Variants in RCAN3 observed in about 807,000 individuals in gnomAD.
RCAN3 encodes regulator of calcineurin 3.
In RCAN3, 19 loss-of-function variants were observed where a neutral mutation model predicts 21.9. That is an observed-to-expected ratio of 0.87 (90% CI 0.61 to 1.27). RCAN3 has a LOEUF of 1.27. RCAN3 is among the 50% of genes most tolerant of loss of function. RCAN3 has a pLI of 0.00. For missense variants in RCAN3, 240 were observed against 300.1 expected (o/e 0.80, Z 1.48); for synonymous variants, 114 against 112.3 (o/e 1.01, Z -0.09).
At chr1:24,504,530 C>T (rs916963109) in intron 1 of RCAN3, among the ~76,000 whole-genome samples, 7 of 152,146 alleles carry the variant, frequency 4.6e-5, no homozygotes, top group African/African-American at 1.7e-4. Flanking sequence ...AAGATTTTTC[C>T]TGCTGTTGAA....
In RCAN3 at chr1:24,514,377, T is replaced by A. The variant is rs1287207249; in HGVS notation, c.5T>A (p.Leu2Gln). 5.0e-6 allele frequency: 8 copies of A among 1,612,720 alleles called. No homozygotes were observed. Among genetic ancestry groups the A allele is most frequent in the Non-Finnish European group, 6.8e-6 (8 of 1,179,276 alleles). Residue 2 changes from leucine (L) to glutamine (Q), a missense_variant, in exon 2 of 5, where the codon CTG becomes CAG. By Grantham distance (113) the Leu-to-Gln change is moderately radical. Transcript: ENST00000374395. M[L>Q]RDTMKSWNDS... is the part of the protein sequence containing the mutation. The stretch of plus-strand genomic sequence containing the variant: ...AAAGGCCCACTTTGGGGGATAATGC[T>A]GAGGGACACTATGAAATCTTGGAAT...
At chr1:24,527,180 T>TAA (rs1046803590) in intron 2 of RCAN3, among the ~76,000 whole-genome samples, 38 of 152,148 alleles carry the variant, frequency 2.5e-4, no homozygotes, top group African/African-American at 8.2e-4. Context: ...TACAGGTGTG[T>TAA]AATTTTGCAT....
At chr1:24,513,318 G>T (rs1232488736) in intron 1 of RCAN3, among the ~76,000 whole-genome samples, 1 of 152,028 alleles carries the variant, frequency 6.6e-6, no homozygotes, top group Non-Finnish European at 1.5e-5. Context: ...TTGTCAGGCT[G>T]GTCTTGAACG....
intron 1 of RCAN3, among the ~76,000 whole-genome samples, chr1:24,513,390 A>T (rs1481253116): frequency 6.6e-6 from 1 of 151,876 alleles, no homozygotes; most frequent in Non-Finnish European, 1.5e-5. Flanking sequence ...GATTGGCCAG[A>T]TGTGGTGGCT....
intron 2 of RCAN3, among the ~76,000 whole-genome samples, chr1:24,529,530 G>A (rs1649570989): frequency 6.9e-6 from 1 of 145,644 alleles, no homozygotes; most frequent in African/African-American, 2.5e-5. Flanking sequence ...CAGCCTGGGT[G>A]ACAGAGAGAC....
chr1:24,515,972 G>A (rs939164066), intron 2 of RCAN3, among the ~76,000 whole-genome samples: 6 of 152,024 alleles, frequency 3.9e-5, no homozygotes, highest in South Asian at 2.1e-4. Context: ...GTGAAACCCC[G>A]TTTCTACTAA....
Position 24,535,196 on chromosome 1 carries a change from A to G in RCAN3, c.645A>G (p.Lys215=), listed in dbSNP as rs758901474. ...TEEEEETKNP[K]QKIAQTRRPD... is the part of the protein sequence containing the mutation. ...AGGAAGAAGAGACAAAAAACCCCAA[A>G]CAGAAAATTGCCCAGACGAGGCGCC... Residue 215 remains lysine, a synonymous_variant, in exon 5 of 5, where the codon AAA becomes AAG. Transcript: ENST00000374395. 3 of 1,594,954 alleles carry G rather than the reference A, an allele frequency of 1.9e-6. No individual in the cohort carries two copies. The highest frequency in any genetic ancestry group is 2.6e-6 in the Non-Finnish European group (3 of 1,173,086).
chr1:24,521,666 G>T (rs1183803189), intron 2 of RCAN3, among the ~76,000 whole-genome samples: 1 of 152,110 alleles, frequency 6.6e-6, no homozygotes, highest in East Asian at 1.9e-4. Flanking sequence ...TGGCAAACAT[G>T]ATGAAACCCC....
At chr1:24,521,258 G>T (rs1327029217) in intron 2 of RCAN3, among the ~76,000 whole-genome samples, 1 of 152,154 alleles carries the variant, frequency 6.6e-6, no homozygotes. Context: ...AAATCCACAT[G>T]CAGAAGAATG....
Position 24,513,476 on chromosome 1 carries a change from G to A in RCAN3, c.-59-838G>A, listed in dbSNP as rs1475060034. Among the ~76,000 whole-genome samples the A allele has an allele frequency of 2.0e-5, 3 of 151,980 alleles. 1 individual carries two copies. The highest frequency in any genetic ancestry group is 4.4e-5 in the Non-Finnish European group (3 of 67,994). ...AGGTTAGGAGTTGGAGACCAGCCTGGCCAACATGGTGAAATCCCATCTCTA... is the reference window on the plus strand; with the variant it reads ...AGGTTAGGAGTTGGAGACCAGCCTGACCAACATGGTGAAATCCCATCTCTA... On this transcript the variant is annotated intron_variant, in intron 1 of 4. Transcript: ENST00000374395.
chr1:24,533,157 C>T lies in RCAN3; in HGVS notation c.444C>T (p.Ser148=). ...PPQPVKQFLI[S]PPASPPVGWK... ...AGCCTGTCAAGCAGTTCCTCATCTC[C>T]CCTCCAGCCTCTCCCCCGGTGGGGT... The change falls in exon 4 of 5, where the codon TCC becomes TCT. Residue 148 remains serine, a synonymous_variant. Transcript: ENST00000374395. The T allele has an allele frequency of 6.2e-7, 1 of 1,603,898 alleles. No individual in the cohort carries two copies. The highest frequency in any genetic ancestry group is 8.5e-7 in the Non-Finnish European group (1 of 1,176,770).
At chr1:24,524,238 G>C (rs533355865) in intron 2 of RCAN3, among the ~76,000 whole-genome samples, 2 of 152,012 alleles carry the variant, frequency 1.3e-5, no homozygotes, top group African/African-American at 4.8e-5. Context: ...AAAATAAGGA[G>C]TTCCAATAAG....
chr1:24,519,915 T>C (rs1009264017), intron 2 of RCAN3, among the ~76,000 whole-genome samples: 2 of 152,234 alleles, frequency 1.3e-5, no homozygotes, highest in African/African-American at 4.8e-5. Context: ...TGTATAATCA[T>C]ATGCACAATT....
rs187899771 is a variant in RCAN3 at position 24,506,470 on chromosome 1, T to C, written c.-60+3320T>C. ...TTTCCTGTTTTTGATAATTATCCTA[T>C]GGGTTATATAAGAAAATGATCTTGT... On this transcript the variant is annotated intron_variant, in intron 1 of 4. Transcript: ENST00000374395. 1.3e-4 allele frequency among the ~76,000 whole-genome samples: 20 copies of C among 152,294 alleles called. No homozygotes were observed. In the East Asian group the frequency reaches 3.7e-3, roughly 28 times the overall value.
chr1:24,517,084 G>GTTTTTTTTTTGT (rs11372088), intron 2 of RCAN3, among the ~76,000 whole-genome samples: 6 of 146,864 alleles, frequency 4.1e-5, no homozygotes, highest in African/African-American at 1.5e-4. Context: ...CTATTTTTTT[G>GTTTTTTTTTTGT]TTTTTTTTTG....
rs1253082574 is a variant in RCAN3 at position 24,540,692 on chromosome 1, CAA to C, written c.*5417_*5418del. The C allele has an allele frequency of 1.3e-5, 2 of 152,218 alleles. No individual in the cohort carries two copies. Among genetic ancestry groups the C allele is most frequent in the Admixed American group, 1.3e-4 (2 of 15,304 alleles). 9.4% of individuals were successfully genotyped at this position (152,218 alleles called of 1,614,324 possible). On this transcript the variant is annotated 3_prime_UTR_variant, in exon 5 of 5. Coordinates refer to ENST00000374395, the MANE Select transcript of RCAN3 (RefSeq NM_013441.4). ...TTCAATCTTAATTGAACCCAAGAGT[CAA>C]AGTTATTATTTTCTCCGAACGTGTT...
intron 2 of RCAN3, among the ~76,000 whole-genome samples, chr1:24,521,811 G>A (rs1648838008): frequency 6.6e-6 from 1 of 151,462 alleles, no homozygotes; most frequent in African/African-American, 2.4e-5. Context: ...TCGTGCCATT[G>A]TACTCCAGCC....
chr1:24,514,254 T>A (rs1648114383), intron 1 of RCAN3, 60 bp from the exon 2 acceptor site: 3 of 782,704 alleles, frequency 3.8e-6, no homozygotes, highest in Non-Finnish European at 5.8e-6. Context: ...AGACATTGAT[T>A]GATTGGAACA....
rs766001734 is a variant in RCAN3, at chr1:24,533,206, C to A, written c.493C>A (p.Pro165Thr). ...VGWKQSEDAMPVINYDLLCAV... is the reference protein window; with the variant it reads ...VGWKQSEDAMTVINYDLLCAV... Reference sequence around the variant, plus strand: ...GTGGAAGCAGAGCGAAGATGCGATGCCTGTTATAAATTATGATTTACTCTG... The same window carrying A: ...GTGGAAGCAGAGCGAAGATGCGATGACTGTTATAAATTATGATTTACTCTG... Residue 165 changes from proline (P) to threonine (T), a missense_variant, in exon 4 of 5, where the codon CCT (proline) becomes ACT (threonine). Transcript: ENST00000374395. The A allele has an allele frequency of 1.2e-6, 2 of 1,605,214 alleles. No homozygotes were observed. Among genetic ancestry groups the A allele is most frequent in the Non-Finnish European group, 1.7e-6 (2 of 1,176,930 alleles).
Sources: allele counts gnomAD v4.1 joint callset (sites outside exome capture counted in the v4.1 genomes callset), GRCh38; gene constraint gnomAD v4.1.1; transcripts MANE v1.5; gene names NCBI Gene and HGNC (gene_info 2026-07-23, HGNC 2026-07-21).